Variants in NREP observed in about 807,000 individuals in gnomAD.
The protein encoded by NREP is neuronal regeneration related protein.
A neutral mutation model predicts 8.6 loss-of-function variants in NREP; 5 were observed. That is an observed-to-expected ratio of 0.58 (90% CI 0.30 to 1.22). NREP has a LOEUF of 1.22. NREP is among the 50% of genes most tolerant of loss of function. The pLI, the probability that NREP is intolerant of heterozygous loss-of-function variation, is 0.07. For synonymous variants in NREP, 27 were observed against 28.0 expected, an observed-to-expected ratio of 0.96 and a Z score of 0.11; for missense variants, 86 against 82.5, an observed-to-expected ratio of 1.04 and a Z score of -0.17.
At chr5:111,795,502 C>G (rs1200595769) in intron 2 of NREP, among the ~76,000 whole-genome samples, 2 of 152,172 alleles carry the variant, frequency 1.3e-5, no homozygotes, top group Non-Finnish European at 2.9e-5. Context: ...GAATTTTGGT[C>G]TCACATCACC....
intron 2 of NREP, among the ~76,000 whole-genome samples, chr5:111,799,555 C>G (rs1275988196): frequency 6.6e-6 from 1 of 152,044 alleles, no homozygotes. Flanking sequence ...TTTTTGTATT[C>G]TTGTTTCTAC....
At chr5:111,752,108 T>G (rs1750398046) in intron 2 of NREP, among the ~76,000 whole-genome samples, 1 of 152,224 alleles carries the variant, frequency 6.6e-6, no homozygotes, top group South Asian at 2.1e-4. Flanking sequence ...ATTTTAGAAG[T>G]AGTCATCTCA....
At chr5:111,969,015 T>A (rs981555726) in intron 2 of NREP, among the ~76,000 whole-genome samples, 6 of 152,146 alleles carry the variant, frequency 3.9e-5, no homozygotes, top group East Asian at 1.9e-4. Context: ...ACACAATGCA[T>A]CCAGAGAGTA....
At chr5:111,880,484 T>C (rs945690016) in intron 2 of NREP, among the ~76,000 whole-genome samples, 2 of 152,198 alleles carry the variant, frequency 1.3e-5, no homozygotes, top group African/African-American at 4.8e-5. Flanking sequence ...TACTTCTCAT[T>C]GTGTTCTTGC....
chr5:111,818,799 G>T (rs760279972), intron 2 of NREP, among the ~76,000 whole-genome samples: 5 of 152,108 alleles, frequency 3.3e-5, no homozygotes, highest in African/African-American at 1.2e-4. Flanking sequence ...AAAAACTGTA[G>T]TATTTTTGTA....
chr5:111,964,951 C>T (rs756266544), intron 2 of NREP, among the ~76,000 whole-genome samples: 2 of 143,628 alleles, frequency 1.4e-5, no homozygotes, highest in Non-Finnish European at 3.0e-5. Context: ...TTTACTATTC[C>T]ATGTAATAAG....
intron 2 of NREP, among the ~76,000 whole-genome samples, chr5:111,754,350 G>T (rs958326146): frequency 6.6e-6 from 1 of 152,040 alleles, no homozygotes; most frequent in African/African-American, 2.4e-5. Flanking sequence ...TTTTGGTAGG[G>T]TCCATAGTCA....
intron 2 of NREP, among the ~76,000 whole-genome samples, chr5:111,970,825 CAAAAAAA>C (rs33962098): frequency 1.9e-4 from 10 of 53,630 alleles, no homozygotes; most frequent in Admixed American, 4.6e-4. Context: ...GACTCCATCT[CAAAAAAA>C]AAAAAAAAAA....
intron 2 of NREP, among the ~76,000 whole-genome samples, chr5:111,939,759 T>G (rs1755780333): frequency 6.6e-6 from 1 of 152,016 alleles, no homozygotes; most frequent in South Asian, 2.1e-4. Context: ...ATACAGAAAC[T>G]CTATCTAGTG....
intron 2 of NREP, among the ~76,000 whole-genome samples, chr5:111,791,728 C>G (rs776036967): frequency 6.6e-6 from 1 of 152,246 alleles, no homozygotes; most frequent in Non-Finnish European, 1.5e-5. Context: ...CTGCCTCCGC[C>G]TCCCAAAGTG....
chr5:111,731,591 C>CAAAG (rs1748586043), intron 3 of NREP, among the ~76,000 whole-genome samples: 1 of 151,936 alleles, frequency 6.6e-6, no homozygotes, highest in African/African-American at 2.4e-5. Context: ...AAGTGGCTAC[C>CAAAG]AAAGATGGGA....
In NREP at chr5:111,964,855, C is replaced by CAAAAAAAAAAAA. The variant is rs58877839; in HGVS notation, c.135+10407_135+10418dup. 2.6e-3 allele frequency among the ~76,000 whole-genome samples: 115 copies of CAAAAAAAAAAAA among 44,878 alleles called. 8 individuals carry two copies. The highest frequency in any genetic ancestry group is 3.4e-3 in the African/African-American group (54 of 15,726). 29.4% of individuals were successfully genotyped at this position (44,878 alleles called of 152,430 possible). Reference sequence around the variant, plus strand: ...AGTCTACTTAGAATGCTTTCAGCAGCAAAAAAAAAAAAAAAAAAAAAAAAA... The same window carrying CAAAAAAAAAAAA: ...AGTCTACTTAGAATGCTTTCAGCAGCAAAAAAAAAAAAAAAAAAAAAAAAAAAAAAAAAAAAA... On this transcript the variant is annotated intron_variant, in intron 2 of 3. Transcript: ENST00000395634.
At chr5:111,881,413 C>G (rs1247741891) in intron 2 of NREP, among the ~76,000 whole-genome samples, 1 of 152,178 alleles carries the variant, frequency 6.6e-6, no homozygotes, top group Non-Finnish European at 1.5e-5. Flanking sequence ...CACAGACAAA[C>G]AAAAAGACAG....
At chr5:111,796,085 C>T (rs1477346674) in intron 2 of NREP, among the ~76,000 whole-genome samples, 1 of 152,190 alleles carries the variant, frequency 6.6e-6, no homozygotes, top group African/African-American at 2.4e-5. Flanking sequence ...ACCAAGCTGT[C>T]AGCAGCCTGC....
At chr5:111,971,731 A>G (rs1393071273) in intron 2 of NREP, among the ~76,000 whole-genome samples, 1 of 152,214 alleles carries the variant, frequency 6.6e-6, no homozygotes, top group East Asian at 1.9e-4. Flanking sequence ...ACTCAAGTGG[A>G]TTAAAGACTT....
intron 2 of NREP, among the ~76,000 whole-genome samples, chr5:111,775,547 C>T (rs1036301521): frequency 2.0e-5 from 3 of 152,078 alleles, no homozygotes; most frequent in African/African-American, 7.2e-5. Flanking sequence ...TACATGCGGT[C>T]TTCCTTTCAA....
At chr5:111,901,889 A>G (rs1020055319) in intron 2 of NREP, among the ~76,000 whole-genome samples, 2 of 152,208 alleles carry the variant, frequency 1.3e-5, no homozygotes, top group African/African-American at 4.8e-5. Context: ...AGCAATCTAC[A>G]GATTCAATGC....
intron 2 of NREP, among the ~76,000 whole-genome samples, chr5:111,939,778 C>A (rs1225761712): frequency 6.6e-6 from 1 of 151,924 alleles, no homozygotes; most frequent in Non-Finnish European, 1.5e-5. Flanking sequence ...TGTTCCTGAG[C>A]ACAAGAGGGC....
intron 2 of NREP, among the ~76,000 whole-genome samples, chr5:111,956,097 G>T (rs888935917): frequency 6.6e-6 from 1 of 152,022 alleles, no homozygotes; most frequent in African/African-American, 2.4e-5. Context: ...AAGTTGCCAA[G>T]GAACAGTGAG....
Sources: allele counts gnomAD v4.1 joint callset (sites outside exome capture counted in the v4.1 genomes callset), GRCh38; gene constraint gnomAD v4.1.1; transcripts MANE v1.5; gene names NCBI Gene and HGNC (gene_info 2026-07-23, HGNC 2026-07-21).